The following AFF1 variants were observed in gnomAD, a reference collection of about 807,000 sequenced individuals.
AFF1 encodes the protein ALF transcription elongation factor 1.
AFF1 carries 48 observed loss-of-function variants against 121.7 expected under a neutral mutation model. The observed-to-expected ratio is 0.39, with a 90% CI of 0.31 to 0.50. The LOEUF is 0.50. AFF1 is among the 20% of genes least tolerant of loss of function. AFF1 has a pLI of 0.76. For missense variants in AFF1, 1,523 were observed against 1,511.7 expected (o/e 1.01, Z -0.12); for synonymous variants, 613 against 563.0 (o/e 1.09, Z -1.26).
Position 87,138,679 on chromosome 4 carries a change from T to G in AFF1, c.*2978T>G, listed in dbSNP as rs1578337839. Reference sequence around the variant, plus strand: ...TACTGGGTTCGGATTGTGAAAACATTGGCCACCTAGTAGCAGTGGTGAGGA... The same window carrying G: ...TACTGGGTTCGGATTGTGAAAACATGGGCCACCTAGTAGCAGTGGTGAGGA... On this transcript the variant is annotated 3_prime_UTR_variant, in exon 21 of 21. Coordinates refer to ENST00000395146, the MANE Select transcript of AFF1 (RefSeq NM_001166693.3). 4.3e-6 allele frequency: 1 copy of G among 231,618 alleles called. No homozygotes were observed. The highest frequency in any genetic ancestry group is 6.1e-5 in the East Asian group (1 of 16,358). 14.3% of individuals were successfully genotyped at this position (231,618 alleles called of 1,614,324 possible). A position where few individuals can be genotyped will look rare whatever the true frequency, so the allele number is the denominator to read the frequency against.
At chr4:87,125,905 C>T (rs1728190596) in intron 13 of AFF1, among the ~76,000 whole-genome samples, 194 bp from the exon 14 acceptor site, 1 of 152,142 alleles carries the variant, frequency 6.6e-6, no homozygotes, top group African/African-American at 2.4e-5. Context: ...AACTATACAG[C>T]TTCATTTATC....
intron 1 of AFF1, chr4:86,936,262 G>T (rs1442297465): frequency 1.3e-5 from 2 of 152,242 alleles, no homozygotes; most frequent in Admixed American, 1.3e-4. Flanking sequence ...CTTGGTGCAC[G>T]TTGCGGGGTG....
chr4:87,004,018 A>G (rs191782691), intron 2 of AFF1, among the ~76,000 whole-genome samples: 7 of 152,360 alleles, frequency 4.6e-5, no homozygotes, highest in Admixed American at 3.9e-4. Context: ...CTTTCAAATG[A>G]AAGCAGACCA....
intron 10 of AFF1, among the ~76,000 whole-genome samples, chr4:87,107,782 A>G (rs1486854243): frequency 6.6e-6 from 1 of 152,216 alleles, no homozygotes; most frequent in Non-Finnish European, 1.5e-5. Context: ...CAAACATAGT[A>G]CATTAAAAAA....
At chr4:87,079,962 A>G (rs1161683762) in intron 4 of AFF1, among the ~76,000 whole-genome samples, 3 of 152,210 alleles carry the variant, frequency 2.0e-5, no homozygotes, top group Non-Finnish European at 4.4e-5. Context: ...AATTGATGGT[A>G]CCAAATTGAG....
rs3035477 is a variant in AFF1 at position 86,963,963 on chromosome 4, G to GTTT, written c.38+15411_38+15413dup. 3.3e-3 allele frequency among the ~76,000 whole-genome samples: 344 copies of GTTT among 104,342 alleles called. 4 individuals are homozygous for GTTT. Among genetic ancestry groups the GTTT allele is most frequent in the African/African-American group, 0.012 (319 of 26,202 alleles). The allele number at this position is 104,342 out of a possible 152,430, so 68.5% of individuals were successfully genotyped here. ...GGTGTGAGTCACCATGACTAGACTG[G>GTTT]TTTTTTTTTTTTTTTTTTTTTAGTA... On this transcript the variant is annotated intron_variant, in intron 2 of 20. Coordinates refer to ENST00000395146, the MANE Select transcript of AFF1 (RefSeq NM_001166693.3).
intron 2 of AFF1, among the ~76,000 whole-genome samples, chr4:86,953,683 C>A (rs1721537272): frequency 6.6e-6 from 1 of 152,096 alleles, no homozygotes; most frequent in Non-Finnish European, 1.5e-5. Context: ...CTGAAAAAGG[C>A]AGACATTATT....
At chr4:87,126,479 T>C (rs1728262691) in intron 14 of AFF1, 143 bp downstream of exon 14, 2 of 725,412 alleles carry the variant, frequency 2.8e-6, no homozygotes, top group Admixed American at 5.6e-5. Context: ...AAAATGCTAC[T>C]TTTTGGAGGG....
In AFF1 at chr4:87,040,950, A is replaced by G. The variant is rs531941976; in HGVS notation, c.39-5216A>G. ...GAGTGCAGTGGCATGATCTCGGCTC[A>G]GTGCAACCTCTACCTCCCGGGTTCA... On this transcript the variant is annotated intron_variant, in intron 2 of 20. Coordinates refer to ENST00000395146, the MANE Select transcript of AFF1 (RefSeq NM_001166693.3). Among the ~76,000 whole-genome samples, 138 of 127,676 alleles carry G rather than the reference A, an allele frequency of 1.1e-3. 2 individuals carry two copies. In the South Asian group the frequency reaches 0.033, roughly 31 times the overall value. 83.8% of individuals were successfully genotyped at this position (127,676 alleles called of 152,430 possible). A position where few individuals can be genotyped will look rare whatever the true frequency, so the allele number is the denominator to read the frequency against.
At chr4:86,964,957 AC>A (rs1442370652) in intron 2 of AFF1, among the ~76,000 whole-genome samples, 8 of 152,204 alleles carry the variant, frequency 5.3e-5, no homozygotes, top group African/African-American at 1.9e-4. Context: ...TTTGCAAATA[AC>A]CAGCAATTAA....
intron 2 of AFF1, among the ~76,000 whole-genome samples, chr4:87,034,149 G>A (rs1729334576): frequency 6.6e-6 from 1 of 152,222 alleles, no homozygotes; most frequent in African/African-American, 2.4e-5. Context: ...TATTAGTGGA[G>A]AGAGAGCGAG....
At chr4:86,963,667 G>A (rs1468572673) in intron 2 of AFF1, among the ~76,000 whole-genome samples, 1 of 152,130 alleles carries the variant, frequency 6.6e-6, no homozygotes, top group African/African-American at 2.4e-5. Flanking sequence ...GTTTGCCAAT[G>A]ATCTCAGGGT....
intron 4 of AFF1, among the ~76,000 whole-genome samples, chr4:87,058,802 C>G (rs537947372): frequency 3.9e-5 from 6 of 152,202 alleles, no homozygotes; most frequent in African/African-American, 1.4e-4. Flanking sequence ...TGCTTCCTCT[C>G]CTCCCCTCCC....
At chr4:87,053,745 C>T (rs1009853266) in intron 4 of AFF1, among the ~76,000 whole-genome samples, 1 of 152,210 alleles carries the variant, frequency 6.6e-6, no homozygotes, top group Non-Finnish European at 1.5e-5. Flanking sequence ...GGTTCCAGTC[C>T]TCTTGGATCT....
chr4:87,063,256 T>TG lies in AFF1; in HGVS notation c.1059+15663dup, dbSNP rs1553925185. Among the ~76,000 whole-genome samples, 7 of 134,552 alleles carry TG rather than the reference T, an allele frequency of 5.2e-5. No individual in the cohort carries two copies. In the Admixed American group the frequency reaches 5.2e-4, roughly 10 times the overall value. 88.3% of individuals were successfully genotyped at this position (134,552 alleles called of 152,430 possible). On this transcript the variant is annotated intron_variant, in intron 4 of 20. Transcript: ENST00000395146. ...TTTTTTTTTTTTTTTTTTTTTTTTT[T>TG]GAGACAGAGTTTTGCTCTTGTTGCC...
chr4:86,962,452 A>G (rs1481191551), intron 2 of AFF1, among the ~76,000 whole-genome samples: 1 of 152,228 alleles, frequency 6.6e-6, no homozygotes, highest in Non-Finnish European at 1.5e-5. Flanking sequence ...TTGGTACTCA[A>G]TAGACATTTA....
chr4:86,974,475 T>G (rs1362845451), intron 2 of AFF1, among the ~76,000 whole-genome samples: 43 of 151,204 alleles, frequency 2.8e-4, no homozygotes, highest in Admixed American at 2.8e-3. Flanking sequence ...AATTTTATCC[T>G]TCTTAAACTT....
Position 86,957,277 on chromosome 4 carries a change from A to G in AFF1, c.38+8706A>G, listed in dbSNP as rs1448494161. On this transcript the variant is annotated intron_variant, in intron 2 of 20. Transcript: ENST00000395146. ...CCATTTTTCTTTCTGGAGGCCTTCC[A>G]TTATAACAGTACTTTTCTTCTGAAG... 3.3e-5 allele frequency among the ~76,000 whole-genome samples: 5 copies of G among 152,148 alleles called. No individual in the cohort carries two copies. In the East Asian group the frequency reaches 9.6e-4, roughly 29 times the overall value.
intron 2 of AFF1, among the ~76,000 whole-genome samples, chr4:87,029,391 C>T (rs1398527377): frequency 1.3e-5 from 2 of 152,184 alleles, no homozygotes; most frequent in African/African-American, 2.4e-5. Flanking sequence ...CCTGTTTCCT[C>T]CTTACACTGT....
Sources: gnomAD v4.1 joint callset for allele counts (sites outside exome capture counted in the v4.1 genomes callset) on GRCh38, gnomAD v4.1.1 for gene constraint, MANE v1.5 for transcripts, NCBI Gene and HGNC (gene_info 2026-07-23, HGNC 2026-07-21) for gene names.